Variants in PCDHGB5 observed in about 807,000 individuals in gnomAD.
PCDHGB5 encodes protocadherin gamma-B5.
Under a neutral mutation model 62.9 loss-of-function variants are expected in PCDHGB5, and 48 were observed. The ratio of observed to expected loss-of-function variants is 0.76; its 90% confidence interval spans 0.61 to 0.97. The LOEUF is 0.97. Among genes scored for constraint, PCDHGB5 ranks in the 50% least tolerant of loss-of-function variants. The pLI is 0.00. For synonymous variants in PCDHGB5, 474 were observed against 511.2 expected, an observed-to-expected ratio of 0.93 and a Z score of 0.98; for missense variants, 1,118 against 1,198.6, an observed-to-expected ratio of 0.93 and a Z score of 0.99.
chr5:141,480,381 C>T (rs1018981416), intron 1 of PCDHGB5, among the ~76,000 whole-genome samples: 2 of 151,926 alleles, frequency 1.3e-5, no homozygotes, highest in Non-Finnish European at 2.9e-5. Context: ...CACCACTACA[C>T]TTCAACCATG....
chr5:141,419,769 C>A (rs773303779), intron 1 of PCDHGB5: 14 of 1,614,006 alleles, frequency 8.7e-6, no homozygotes, highest in East Asian at 4.5e-5. Context: ...GACAAGGACT[C>A]GGTCCGCCAG....
intron 1 of PCDHGB5, among the ~76,000 whole-genome samples, chr5:141,430,322 C>G (rs1266324669): frequency 6.7e-6 from 1 of 150,364 alleles, no homozygotes; most frequent in Non-Finnish European, 1.5e-5. Flanking sequence ...AGATTAAAAT[C>G]ATTGTTTATA....
At chr5:141,411,783 G>C (rs1191623081) in intron 1 of PCDHGB5, 1 of 152,338 alleles carries the variant, frequency 6.6e-6, no homozygotes, top group Non-Finnish European at 1.5e-5. Context: ...TCTGGTGGCT[G>C]TGGTGGGAGA....
chr5:141,405,527 C>T (rs1055420196), intron 1 of PCDHGB5: 7 of 670,510 alleles, frequency 1.0e-5, no homozygotes, highest in Non-Finnish European at 1.8e-5. Flanking sequence ...TCAAGCGATT[C>T]TCCTGCCTCA....
At chr5:141,505,259 C>T in intron 2 of PCDHGB5, 134 bp from the exon 3 acceptor site, 2 of 1,500,262 alleles carry the variant, frequency 1.3e-6, no homozygotes, top group Admixed American at 2.0e-5. Flanking sequence ...GTGCCTCCTA[C>T]CTTGCTGAGA....
At chr5:141,421,141 G>A (rs7732160) in intron 1 of PCDHGB5, 49,996 of 938,386 alleles carry the variant, frequency 0.053, 1,680 homozygotes, top group African/African-American at 0.14. Flanking sequence ...TATTTTGGAT[G>A]TAGTCGGCCT....
In PCDHGB5 at chr5:141,399,601, C is replaced by T; in HGVS notation, c.1474C>T (p.Leu492=). The change falls in exon 1 of 4, where the codon CTA becomes TTA. Residue 492 remains leucine (L), a synonymous_variant. Coordinates refer to ENST00000617380, the MANE Select transcript of PCDHGB5 (RefSeq NM_018925.3). ...QVSYSIMASD[L]EPLALASYVS... ...CTCCTACTCTATCATGGCCAGCGAC[C>T]TAGAGCCTCTGGCACTGGCCTCTTA... 1 of 1,613,986 alleles carries T rather than the reference C, an allele frequency of 6.2e-7. No homozygotes were observed. Among genetic ancestry groups the T allele is most frequent in the South Asian group, 1.1e-5 (1 of 91,090 alleles).
chr5:141,408,869 AG>A, intron 1 of PCDHGB5: 1 of 1,613,690 alleles, frequency 6.2e-7, no homozygotes, highest in Non-Finnish European at 8.5e-7. Context: ...CCCACCAAGA[AG>A]TGCCACCGCT....
chr5:141,421,443 G>A (rs1561793987), intron 1 of PCDHGB5: 4 of 1,614,106 alleles, frequency 2.5e-6, no homozygotes, highest in Non-Finnish European at 2.5e-6. Flanking sequence ...CCAGAGGGAA[G>A]ACACAGCTTT....
In PCDHGB5 at chr5:141,477,377, C is replaced by A. The variant is rs1456451105; in HGVS notation, c.2398-17430C>A. On this transcript the variant is annotated intron_variant, in intron 1 of 3. Coordinates refer to ENST00000617380, the MANE Select transcript of PCDHGB5 (RefSeq NM_018925.3). This position sits in a 1 kb window ranked among gnomAD's most constrained non-coding sequence, Gnocchi z 4.9. ...TGCAGACCTGGATCGGGAGACTGTG[C>A]CAGAATACAACCTCAGCATCACCGC... 1.2e-6 allele frequency: 2 copies of A among 1,614,026 alleles called. No homozygotes were observed. The highest frequency in any genetic ancestry group is 1.7e-6 in the Non-Finnish European group (2 of 1,180,032).
chr5:141,494,678 G>A, intron 1 of PCDHGB5, 129 bp from the exon 2 acceptor site: 1 of 1,554,384 alleles, frequency 6.4e-7, no homozygotes, highest in Non-Finnish European at 8.7e-7. Flanking sequence ...GTCCACCCCT[G>A]CCCCCTCTTA....
intron 1 of PCDHGB5, among the ~76,000 whole-genome samples, chr5:141,453,315 T>A (rs1410108522): frequency 6.6e-6 from 1 of 151,214 alleles, no homozygotes; most frequent in African/African-American, 2.5e-5. Context: ...TTATTTATTT[T>A]AGAGATGGGG....
intron 2 of PCDHGB5, among the ~76,000 whole-genome samples, chr5:141,499,675 T>A (rs1426498530): frequency 2.0e-5 from 3 of 150,746 alleles, no homozygotes; most frequent in African/African-American, 7.3e-5. Flanking sequence ...GTCTCCACCA[T>A]CTTTAACAGA....
chr5:141,502,084 G>A (rs1438350526), intron 2 of PCDHGB5, among the ~76,000 whole-genome samples: 1 of 152,154 alleles, frequency 6.6e-6, no homozygotes, highest in African/African-American at 2.4e-5. Context: ...CTGGGGCTGA[G>A]AACACCTGGC....
chr5:141,400,611 G>T (rs555600694), intron 1 of PCDHGB5, 87 bp downstream of exon 1: 1 of 1,573,002 alleles, frequency 6.4e-7, no homozygotes, highest in South Asian at 1.1e-5. Context: ...CAAGTCCAAT[G>T]AGTTGTCTTA....
chr5:141,409,491 C>T (rs747701093), intron 1 of PCDHGB5: 3 of 1,613,994 alleles, frequency 1.9e-6, no homozygotes, highest in East Asian at 2.2e-5. Flanking sequence ...AGGGGCAAGC[C>T]GCCTCTTTCT....
intron 1 of PCDHGB5, chr5:141,433,153 A>G (rs896611410): frequency 3.1e-6 from 5 of 1,613,482 alleles, no homozygotes; most frequent in African/African-American, 2.7e-5. Flanking sequence ...GTGATTCGGT[A>G]TTTTCTAAAG....
At chr5:141,408,458 G>T (rs760881860) in intron 1 of PCDHGB5, 4 of 1,614,066 alleles carry the variant, frequency 2.5e-6, no homozygotes, top group South Asian at 2.2e-5. Flanking sequence ...GGACTTACTT[G>T]TGAAGAACCG....
At chr5:141,414,473 G>T (rs371832510) in intron 1 of PCDHGB5, 1 of 1,613,908 alleles carries the variant, frequency 6.2e-7, no homozygotes, top group Non-Finnish European at 8.5e-7. Flanking sequence ...GATGGGGGAA[G>T]TCCTCCTCTA....
Sources: gnomAD v4.1 joint callset for allele counts (sites outside exome capture counted in the v4.1 genomes callset) on GRCh38, gnomAD v4.1.1 for gene constraint, Gnocchi (gnomAD v3.1) non-coding constraint, MANE v1.5 for transcripts, NCBI Gene and HGNC (gene_info 2026-07-23, HGNC 2026-07-21) for gene names.